SNRPN: variants seen among roughly 807,000 people sequenced by gnomAD.
The protein encoded by SNRPN is small nuclear ribonucleoprotein polypeptide N, also known as small nuclear ribonucleoprotein-associated protein N.
Under a neutral mutation model 25.2 loss-of-function variants are expected in SNRPN, and 7 were observed. The ratio of observed to expected loss-of-function variants is 0.28; its 90% confidence interval spans 0.16 to 0.52. The LOEUF is 0.52. Among genes scored for constraint, SNRPN ranks in the 20% least tolerant of loss-of-function variants. The probability of loss-of-function intolerance (pLI) is 0.96; values close to 1 mark genes in which losing one functional copy is unlikely to be tolerated. For synonymous variants in SNRPN, 124 were observed against 110.6 expected (o/e 1.12, Z -0.76); for missense variants, 196 against 322.5 (o/e 0.61, Z 3.00).
chr15:24,902,438 C>T lies in SNRPN; in HGVS notation c.-505+15849C>T, dbSNP rs116060926. On this transcript the variant is annotated intron_variant, in intron 2 of 11. Transcript: ENST00000400097. Reference sequence around the variant, plus strand: ...GGGAAGAAAAAATGGATTTTTGTTCCAGGAAAGAAACTAAGTATGAACAGA... The same window carrying T: ...GGGAAGAAAAAATGGATTTTTGTTCTAGGAAAGAAACTAAGTATGAACAGA... 4.7e-3 allele frequency among the ~76,000 whole-genome samples: 717 copies of T among 152,138 alleles called. 4 individuals carry two copies. The highest frequency in any genetic ancestry group is 0.016 in the African/African-American group (682 of 41,500).
chr15:24,887,890 C>G (rs1041254115), intron 2 of SNRPN, among the ~76,000 whole-genome samples: 5 of 151,664 alleles, frequency 3.3e-5, no homozygotes, highest in Non-Finnish European at 5.9e-5. Flanking sequence ...CAGAGAGGAC[C>G]CCCCAGGCTC....
chr15:24,888,978 C>G (rs2057420627), intron 2 of SNRPN, among the ~76,000 whole-genome samples: 1 of 151,962 alleles, frequency 6.6e-6, no homozygotes, highest in African/African-American at 2.4e-5. Context: ...AGTGCTGTGG[C>G]ACAATCTTGG....
chr15:24,898,596 A>C (rs552646796), intron 2 of SNRPN, among the ~76,000 whole-genome samples: 50 of 152,248 alleles, frequency 3.3e-4, no homozygotes, highest in African/African-American at 1.2e-3. Context: ...AAAAAAAAAA[A>C]AGTAGTATAT....
At chr15:24,878,579 G>A (rs1216845310) in intron 1 of SNRPN, among the ~76,000 whole-genome samples, 2 of 152,124 alleles carry the variant, frequency 1.3e-5, no homozygotes, top group South Asian at 2.1e-4. Context: ...TTGCTTTCTA[G>A]GCTTCGTATA....
upstream of SNRPN, among the ~76,000 whole-genome samples, chr15:24,951,501 T>A (rs928095419): frequency 1.1e-4 from 16 of 151,846 alleles, no homozygotes; most frequent in African/African-American, 3.9e-4. Flanking sequence ...CTTTTATTGT[T>A]GAATAGTAAC....
At chr15:24,962,024 T>C (rs1421202527) in intron 1 of SNRPN, 90 bp from the exon 2 acceptor site, 2 of 1,071,426 alleles carry the variant, frequency 1.9e-6, no homozygotes, top group Non-Finnish European at 2.9e-6. Context: ...ATCCATTATA[T>C]TAAATGTAGT....
chr15:24,863,241 A>T (rs2054170601), intron 1 of SNRPN, among the ~76,000 whole-genome samples: 1 of 150,892 alleles, frequency 6.6e-6, no homozygotes, highest in South Asian at 2.1e-4. Context: ...GGATCACTGG[A>T]TCACAAATTC....
intron 3 of SNRPN, among the ~76,000 whole-genome samples, chr15:24,933,976 C>T (rs1354251002): frequency 1.3e-5 from 2 of 152,138 alleles, no homozygotes. Context: ...ACATGTATGG[C>T]TTGTGAGCTA....
chr15:24,878,772 A>C (rs2056274994), intron 1 of SNRPN, among the ~76,000 whole-genome samples: 1 of 152,132 alleles, frequency 6.6e-6, no homozygotes, highest in Admixed American at 6.5e-5. Flanking sequence ...TTTGAAAAAA[A>C]CGAAATCCTT....
At chr15:24,964,522 G>A (rs172679) in intron 2 of SNRPN, among the ~76,000 whole-genome samples, 20,529 of 152,030 alleles carry the variant, frequency 0.14, 2,488 homozygotes, top group African/African-American at 0.33. Context: ...TCGAACTCCC[G>A]ACCTCAGATG....
intron 2 of SNRPN, among the ~76,000 whole-genome samples, chr15:24,889,522 G>T (rs377705613): frequency 6.6e-6 from 1 of 150,520 alleles, no homozygotes; most frequent in East Asian, 2.1e-4. Context: ...AGCCAGGATG[G>T]TCTTGATCTC....
At chr15:24,965,377 AAAT>A (rs1225363435) in intron 2 of SNRPN, among the ~76,000 whole-genome samples, 2 of 152,082 alleles carry the variant, frequency 1.3e-5, no homozygotes, top group Non-Finnish European at 2.9e-5. Flanking sequence ...ATCTCTAGAA[AAAT>A]AAAAAAATCA....
chr15:24,896,878 A>G (rs561015985), intron 2 of SNRPN, among the ~76,000 whole-genome samples: 1 of 152,280 alleles, frequency 6.6e-6, no homozygotes, highest in Non-Finnish European at 1.5e-5. Flanking sequence ...GAGTCTGCGC[A>G]CAGTGGTTCA....
intron 3 of SNRPN, among the ~76,000 whole-genome samples, chr15:24,946,252 G>A (rs150463238): frequency 6.6e-6 from 1 of 152,036 alleles, no homozygotes; most frequent in East Asian, 1.9e-4. Context: ...TAAAAGGGAT[G>A]GAAATAGGGC....
At chr15:24,961,739 T>G (rs2074860008) in intron 1 of SNRPN, among the ~76,000 whole-genome samples, 1 of 152,212 alleles carries the variant, frequency 6.6e-6, no homozygotes, top group Non-Finnish European at 1.5e-5. Flanking sequence ...TGAAACCATT[T>G]TGGAAATCAG....
chr15:24,834,751 C>CTCTCTCTCTCTATATATATATATA, intron 2 of SNRPN, among the ~76,000 whole-genome samples: 4 of 60,954 alleles, frequency 6.6e-5, no homozygotes, highest in Admixed American at 4.3e-4. Context: ...CTCTCTCTCT[C>CTCTCTCTCTCTATATATATATATA]TATATATATA....
intron 3 of SNRPN, among the ~76,000 whole-genome samples, chr15:24,972,342 A>G (rs1242703015): frequency 1.3e-5 from 2 of 152,084 alleles, no homozygotes; most frequent in Non-Finnish European, 2.9e-5. Context: ...ATCATAAGAT[A>G]ATATTCAAAA....
chr15:24,841,879 G>T (rs2051735312), intron 2 of SNRPN, among the ~76,000 whole-genome samples: 1 of 152,128 alleles, frequency 6.6e-6, no homozygotes, highest in African/African-American at 2.4e-5. Flanking sequence ...CACCATTCAA[G>T]CTCTTGGGCC....
chr15:24,931,364 G>A (rs914086228), intron 3 of SNRPN, among the ~76,000 whole-genome samples: 4 of 152,158 alleles, frequency 2.6e-5, no homozygotes, highest in Non-Finnish European at 4.4e-5. Flanking sequence ...AATAACTATT[G>A]TAATCGTGAA....
Sources: gnomAD v4.1 joint callset for allele counts (sites outside exome capture counted in the v4.1 genomes callset) on GRCh38, gnomAD v4.1.1 for gene constraint, MANE v1.5 for transcripts, NCBI Gene and HGNC (gene_info 2026-07-23, HGNC 2026-07-21) for gene names.